Variants in SPRYD7 observed in about 807,000 individuals in gnomAD.
SPRYD7 encodes the protein SPRY domain-containing protein 7.
Under a neutral mutation model 23.8 loss-of-function variants are expected in SPRYD7, and 14 were observed. The ratio of observed to expected loss-of-function variants is 0.59; its 90% confidence interval spans 0.39 to 0.92. SPRYD7 has a LOEUF of 0.92. SPRYD7 is among the 40% of genes least tolerant of loss of function. The pLI is 0.00. For synonymous variants in SPRYD7, 75 were observed against 84.9 expected, an observed-to-expected ratio of 0.88 and a Z score of 0.64; for missense variants, 194 against 241.7, an observed-to-expected ratio of 0.80 and a Z score of 1.31.
rs564491600 is a variant in SPRYD7, at chr13:49,915,800, A to C, written c.494-640T>G. Among the ~76,000 whole-genome samples, 28 of 152,364 alleles carry C rather than the reference A, an allele frequency of 1.8e-4. No individual in the cohort carries two copies. The South Asian group carries it at 5.6e-3, about 30-fold the overall frequency. ...CACACTGGAAACAACCCTAATGTCC[A>C]TCAACTGGTGAAGGATAAAGAAATT... On this transcript the variant is annotated intron_variant, in intron 4 of 4. Coordinates refer to ENST00000361840, the MANE Select transcript of SPRYD7 (RefSeq NM_020456.4).
intron 3 of SPRYD7, among the ~76,000 whole-genome samples, chr13:49,927,585 G>C (rs772562076): frequency 1.3e-5 from 2 of 151,998 alleles, no homozygotes; most frequent in Non-Finnish European, 2.9e-5. Context: ...TCTAATATAA[G>C]CTTCAGCAAA....
At chr13:49,928,579 C>T (rs188403596) in intron 2 of SPRYD7, among the ~76,000 whole-genome samples, 4 of 152,210 alleles carry the variant, frequency 2.6e-5, no homozygotes, top group South Asian at 2.1e-4. Context: ...CATCATCTTG[C>T]GCAAATTACC....
chr13:49,921,360 T>C, intron 4 of SPRYD7, 118 bp downstream of exon 4: 1 of 661,926 alleles, frequency 1.5e-6, no homozygotes, highest in East Asian at 2.8e-5. Context: ...TTAAACCTCT[T>C]TCCTTTATAA....
chr13:49,936,339 A>G lies in SPRYD7; in HGVS notation c.-104T>C, dbSNP rs1871635081. ...CCCCGCCCGAGGTCCGGACTTGTCTATGTGGAGCTCGGAGGCCGGTACAGC... is the reference window on the plus strand; with the variant it reads ...CCCCGCCCGAGGTCCGGACTTGTCTGTGTGGAGCTCGGAGGCCGGTACAGC... On this transcript the variant is annotated 5_prime_UTR_variant, in exon 1 of 5. Transcript: ENST00000361840. 6.7e-6 allele frequency: 5 copies of G among 743,498 alleles called. No homozygotes were observed. In the Admixed American group the frequency reaches 9.2e-5, roughly 14 times the overall value. 46.1% of individuals were successfully genotyped at this position (743,498 alleles called of 1,614,324 possible).
At chr13:49,930,787 G>A (rs1955939240) in intron 2 of SPRYD7, among the ~76,000 whole-genome samples, 1 of 152,144 alleles carries the variant, frequency 6.6e-6, no homozygotes, top group Non-Finnish European at 1.5e-5. Flanking sequence ...GAGTTCCTGT[G>A]AGGCAGAATG....
chr13:49,935,143 T>G (rs976667350), intron 1 of SPRYD7, among the ~76,000 whole-genome samples: 3 of 152,188 alleles, frequency 2.0e-5, no homozygotes, highest in Non-Finnish European at 4.4e-5. Flanking sequence ...GTGGGCAGAG[T>G]GTTTCCAGAA....
At chr13:49,931,759 G>A (rs1339580981) in intron 1 of SPRYD7, among the ~76,000 whole-genome samples, 1 of 151,576 alleles carries the variant, frequency 6.6e-6, no homozygotes. Flanking sequence ...GACCAGCCTG[G>A]GCAACCTTGC....
intron 4 of SPRYD7, among the ~76,000 whole-genome samples, chr13:49,917,452 T>G (rs1470976809): frequency 6.6e-6 from 1 of 152,160 alleles, no homozygotes; most frequent in Non-Finnish European, 1.5e-5. Context: ...TGCAGTCTTT[T>G]TCTTTCTACA....
chr13:49,917,107 G>A (rs192543713), intron 4 of SPRYD7, among the ~76,000 whole-genome samples: 15 of 151,804 alleles, frequency 9.9e-5, no homozygotes, highest in Non-Finnish European at 1.6e-4. Flanking sequence ...GTTTTGTTTT[G>A]TTGTTTTCTT....
At chr13:49,936,031 C>T in intron 1 of SPRYD7, 99 bp downstream of exon 1, 1 of 602,356 alleles carries the variant, frequency 1.7e-6, no homozygotes, top group Non-Finnish European at 2.5e-6. Flanking sequence ...GTCGCCGGCG[C>T]GGCGGGGCAG....
chr13:49,934,128 A>G (rs1297465896), intron 1 of SPRYD7, among the ~76,000 whole-genome samples: 6 of 151,872 alleles, frequency 4.0e-5, no homozygotes, highest in African/African-American at 1.2e-4. Context: ...ATGTGTTTCT[A>G]TTTTCAAGTC....
Position 49,921,370 on chromosome 13 carries a change from A to T in SPRYD7, c.493+108T>A, listed in dbSNP as rs975816513. Reference sequence around the variant, plus strand: ...GTCAATTAAACCTCTTTCCTTTATAAATTACCAAGTCTTGGGTATGTCTTT... The same window carrying T: ...GTCAATTAAACCTCTTTCCTTTATATATTACCAAGTCTTGGGTATGTCTTT... On this transcript the variant is annotated intron_variant, in intron 4 of 4. Coordinates refer to ENST00000361840, the MANE Select transcript of SPRYD7 (RefSeq NM_020456.4). 1.6e-5 allele frequency: 11 copies of T among 706,460 alleles called. No homozygotes were observed. In the African/African-American group the frequency reaches 1.8e-4, roughly 11 times the overall value. 43.8% of individuals were successfully genotyped at this position (706,460 alleles called of 1,614,324 possible). A position where few individuals can be genotyped will look rare whatever the true frequency, so the allele number is the denominator to read the frequency against.
chr13:49,922,794 C>G (rs1955835064), intron 3 of SPRYD7, among the ~76,000 whole-genome samples: 1 of 142,500 alleles, frequency 7.0e-6, no homozygotes. Flanking sequence ...TACATTCTAT[C>G]AAGTTAAAAG....
intron 1 of SPRYD7, among the ~76,000 whole-genome samples, chr13:49,935,243 G>A (rs559116687): frequency 1.3e-5 from 2 of 152,196 alleles, no homozygotes; most frequent in African/African-American, 4.8e-5. Context: ...AATCAGAAAC[G>A]TGTAAAAAAT....
chr13:49,935,816 G>C (rs1188315101), intron 1 of SPRYD7: 2 of 236,782 alleles, frequency 8.4e-6, no homozygotes, highest in African/African-American at 4.5e-5. Flanking sequence ...GGGCGCGCCA[G>C]AAGGGCACTC....
At chr13:49,919,445 G>A (rs1955791623) in intron 4 of SPRYD7, among the ~76,000 whole-genome samples, 1 of 152,156 alleles carries the variant, frequency 6.6e-6, no homozygotes, top group African/African-American at 2.4e-5. Flanking sequence ...TCGGGAGGCT[G>A]AGGCAGGAGA....
chr13:49,917,271 T>C (rs1056635429), intron 4 of SPRYD7, among the ~76,000 whole-genome samples: 2 of 152,004 alleles, frequency 1.3e-5, no homozygotes, highest in Admixed American at 1.3e-4. Flanking sequence ...ACCCAGCTAA[T>C]TTTTTGTATT....
Position 49,915,159 on chromosome 13 carries a change from A to G in SPRYD7, c.495T>C (p.Val165=). The change falls in exon 5 of 5, where the codon GTT becomes GTC. Residue 165 remains valine (V), a splice_region_variant and synonymous_variant. Coordinates refer to ENST00000361840, the MANE Select transcript of SPRYD7 (RefSeq NM_020456.4). The part of the protein sequence containing the change: ...IRGTVYPVVY[V]DDSAILDCQF... ...GGCAATCCAAAATTGCACTGTCATC[A>G]ACTAAAGGATACAAAAAGAAAGAAA... 6.7e-7 allele frequency: 1 copy of G among 1,497,982 alleles called. No homozygotes were observed. The highest frequency in any genetic ancestry group is 9.1e-7 in the Non-Finnish European group (1 of 1,097,724). The allele number at this position is 1,497,982 out of a possible 1,614,324, so 92.8% of individuals were successfully genotyped here.
chr13:49,926,517 T>A (rs1179907103), intron 3 of SPRYD7, among the ~76,000 whole-genome samples: 1 of 152,190 alleles, frequency 6.6e-6, no homozygotes, highest in Non-Finnish European at 1.5e-5. Context: ...AAAAAGCAGA[T>A]TTTTTTAATG....
Sources: gnomAD v4.1 joint callset for allele counts (sites outside exome capture counted in the v4.1 genomes callset) on GRCh38, gnomAD v4.1.1 for gene constraint, MANE v1.5 for transcripts, NCBI Gene and HGNC (gene_info 2026-07-23, HGNC 2026-07-21) for gene names.